Variants in PPM1B observed in about 807,000 individuals in gnomAD.
PPM1B encodes the protein protein phosphatase 1B.
In PPM1B, 22 loss-of-function variants were observed where a neutral mutation model predicts 43.0. The observed-to-expected ratio is 0.51, with a 90% confidence interval of 0.37 to 0.73. The LOEUF (loss-of-function observed/expected upper bound fraction) is 0.73, where lower values mean the gene tolerates loss of function less well. PPM1B is among the 30% of genes least tolerant of loss of function. The pLI is 0.00. For missense variants in PPM1B, 632 were observed against 584.2 expected (o/e 1.08, Z -0.84); for synonymous variants, 217 against 197.9 (o/e 1.10, Z -0.81).
intron 1 of PPM1B, among the ~76,000 whole-genome samples, chr2:44,198,280 C>T (rs182539766): frequency 2.6e-5 from 4 of 152,212 alleles, no homozygotes; most frequent in South Asian, 2.1e-4. Flanking sequence ...CCTGTCTCAG[C>T]CCCCCGAGTA....
chr2:44,234,519 A>G (rs1670558214), downstream of PPM1B: 8 of 674,112 alleles, frequency 1.2e-5, no homozygotes, highest in Non-Finnish European at 1.4e-5. Context: ...CTCCGTCTCA[A>G]AAAAAAAAAA....
At chr2:44,223,175 T>A (rs2104243544) in intron 5 of PPM1B, among the ~76,000 whole-genome samples, 1 of 152,326 alleles carries the variant, frequency 6.6e-6, no homozygotes, top group Non-Finnish European at 1.5e-5. Context: ...ATAAAGTTGT[T>A]GAAAGGAATG....
rs561268643 is a variant in PPM1B at position 44,230,854 on chromosome 2, TA to T, written c.*141del. 7.7e-4 allele frequency: 1,094 copies of T among 1,425,998 alleles called. 14 individuals carry two copies. The African/African-American group carries it at 0.015, about 19-fold the overall frequency. 88.3% of individuals were successfully genotyped at this position (1,425,998 alleles called of 1,614,324 possible). On this transcript the variant is annotated 3_prime_UTR_variant, in exon 6 of 6. Transcript: ENST00000282412. Reference sequence around the variant, plus strand: ...ATTATATTCAGATAGCCTTGTTTTTTAAAAAGGCCTTTGCATACACCTTTAT... The same window carrying T: ...ATTATATTCAGATAGCCTTGTTTTTTAAAAGGCCTTTGCATACACCTTTAT...
intron 3 of PPM1B, among the ~76,000 whole-genome samples, chr2:44,215,925 C>T (rs575058765): frequency 6.6e-6 from 1 of 152,178 alleles, no homozygotes; most frequent in East Asian, 1.9e-4. Flanking sequence ...GAGGGAAGAA[C>T]ATTCCAGGCA....
rs574046963 is a variant in PPM1B at position 44,200,813 on chromosome 2, C to CA, written c.-14-372dup. Among the ~76,000 whole-genome samples the CA allele has an allele frequency of 3.2e-4, 49 of 152,300 alleles. No individual in the cohort carries two copies. In the East Asian group the frequency reaches 7.3e-3, roughly 23 times the overall value. Reference sequence around the variant, plus strand: ...AAACTTACATGTCGAACCCTAGACTCACCTTGTAAATTAAATCAGAATGAA... The same window carrying CA: ...AAACTTACATGTCGAACCCTAGACTCAACCTTGTAAATTAAATCAGAATGAA... On this transcript the variant is annotated intron_variant, in intron 1 of 5. Coordinates refer to ENST00000282412, the MANE Select transcript of PPM1B (RefSeq NM_002706.6).
At chr2:44,224,022 C>T (rs995354381) in intron 5 of PPM1B, among the ~76,000 whole-genome samples, 2 of 151,970 alleles carry the variant, frequency 1.3e-5, no homozygotes, top group African/African-American at 2.4e-5. Context: ...CATTAGTCAT[C>T]AATTGTATCA....
At chr2:44,190,115 A>G (rs1668333925) in intron 1 of PPM1B, among the ~76,000 whole-genome samples, 1 of 151,582 alleles carries the variant, frequency 6.6e-6, no homozygotes. Flanking sequence ...GAGTGGACAG[A>G]TCATTATTTG....
At chr2:44,241,440 A>G (rs913189673) in intron 5 of PPM1B, among the ~76,000 whole-genome samples, 1 of 143,454 alleles carries the variant, frequency 7.0e-6, no homozygotes, top group Non-Finnish European at 1.5e-5. Flanking sequence ...GCTGTTTAAA[A>G]TGTCTTCAAG....
chr2:44,192,374 C>T (rs989794561), intron 1 of PPM1B, among the ~76,000 whole-genome samples: 1 of 152,012 alleles, frequency 6.6e-6, no homozygotes, highest in Non-Finnish European at 1.5e-5. Context: ...ACAAACCATG[C>T]CCGGCTAATT....
intron 5 of PPM1B, chr2:44,230,200 A>G: frequency 7.1e-7 from 1 of 1,416,342 alleles, no homozygotes; most frequent in Non-Finnish European, 9.2e-7. Context: ...GACATAAACT[A>G]GTTAATGGTA....
intron 1 of PPM1B, among the ~76,000 whole-genome samples, chr2:44,199,310 A>T (rs1330483845): frequency 2.9e-5 from 4 of 135,630 alleles, no homozygotes; most frequent in Non-Finnish European, 6.2e-5. Flanking sequence ...TCTCAAAAAA[A>T]AAAAAAATAA....
chr2:44,232,301 TTTCTC>T, downstream of PPM1B: 8 of 1,603,356 alleles, frequency 5.0e-6, no homozygotes, highest in Non-Finnish European at 6.0e-6. Flanking sequence ...TATTCTTCCT[TTTCTC>T]TTCCTGTAGG....
intron 1 of PPM1B, among the ~76,000 whole-genome samples, chr2:44,192,413 G>C (rs894630161): frequency 1.3e-5 from 2 of 151,742 alleles, no homozygotes; most frequent in Admixed American, 1.3e-4. Flanking sequence ...ATGGGGTTTC[G>C]CCATGTTGGC....
intron 1 of PPM1B, among the ~76,000 whole-genome samples, chr2:44,183,964 TCCTGACCTCGTGATC>T (rs1300449129): frequency 6.6e-6 from 1 of 152,176 alleles, no homozygotes; most frequent in Non-Finnish European, 1.5e-5. Context: ...GGTCTCGATC[TCCTGACCTCGTGATC>T]CGCCCGCCTC....
chr2:44,194,596 G>A (rs56185288), intron 1 of PPM1B, among the ~76,000 whole-genome samples: 28,243 of 151,928 alleles, frequency 0.19, 2,777 homozygotes, highest in African/African-American at 0.23. Context: ...GGTGGCGGGC[G>A]CCTGTAGTCC....
downstream of PPM1B, chr2:44,232,933 T>C: frequency 2.0e-6 from 2 of 978,482 alleles, no homozygotes; most frequent in Non-Finnish European, 1.2e-6. Context: ...TAATGTTGCC[T>C]TGCTTCAAGA....
At chr2:44,181,588 C>G (rs1667877427) in intron 1 of PPM1B, among the ~76,000 whole-genome samples, 1 of 152,082 alleles carries the variant, frequency 6.6e-6, no homozygotes, top group African/African-American at 2.4e-5. Context: ...CACTGAAAAA[C>G]AAGATTGATG....
chr2:44,201,997 T>C lies in PPM1B; in HGVS notation c.798T>C (p.Asp266=), dbSNP rs1335060099. The change falls in exon 2 of 6, where the codon GAT becomes GAC. Residue 266 remains aspartate, a synonymous_variant. Coordinates refer to ENST00000282412, the MANE Select transcript of PPM1B (RefSeq NM_002706.6). This position sits in a 1 kb window ranked among gnomAD's most constrained non-coding sequence, Gnocchi z 5.4. ...TTAAATCTAGGCTTGAGGTATCTGA[T>C]GACCTGGAAAATGTGTGCAATTGGG... ...EYVKSRLEVS[D]DLENVCNWVV... is the part of the protein sequence containing the mutation. The C allele has an allele frequency of 5.6e-6, 9 of 1,611,416 alleles. No homozygotes were observed. Among genetic ancestry groups the C allele is most frequent in the Non-Finnish European group, 5.9e-6 (7 of 1,178,606 alleles).
downstream of PPM1B, among the ~76,000 whole-genome samples, chr2:44,234,986 G>A (rs1572765043): frequency 6.6e-6 from 1 of 152,256 alleles, no homozygotes; most frequent in East Asian, 1.9e-4. Flanking sequence ...TGGCCCGATG[G>A]TTGAAGTTTA....
Sources: allele counts gnomAD v4.1 joint callset (sites outside exome capture counted in the v4.1 genomes callset), GRCh38; gene constraint gnomAD v4.1.1; non-coding constraint Gnocchi (gnomAD v3.1); transcripts MANE v1.5; gene names NCBI Gene and HGNC (gene_info 2026-07-23, HGNC 2026-07-21).